The following CNKSR3 variants were observed in gnomAD, a reference collection of about 807,000 sequenced individuals.
CNKSR3 encodes the protein CNKSR family member 3, also known as connector enhancer of kinase suppressor of ras 3.
CNKSR3 carries 36 observed loss-of-function variants against 67.7 expected under a neutral mutation model. The observed-to-expected ratio is 0.53, with a 90% CI of 0.41 to 0.70. CNKSR3 has a LOEUF of 0.70. CNKSR3 is among the 30% of genes least tolerant of loss of function. The pLI is 0.00. For missense variants in CNKSR3, 630 were observed against 695.2 expected (o/e 0.91, Z 1.05); for synonymous variants, 281 against 271.4 (o/e 1.04, Z -0.35).
rs1170916289 is a variant in CNKSR3, at chr6:154,430,684, T to C, written c.550-93A>G. The C allele has an allele frequency of 6.5e-6, 8 of 1,232,446 alleles. No homozygotes were observed. The South Asian group carries it at 1.1e-4, about 18-fold the overall frequency. 76.3% of individuals were successfully genotyped at this position (1,232,446 alleles called of 1,614,324 possible). On this transcript the variant is annotated intron_variant, in intron 5 of 12. Coordinates refer to ENST00000607772, the MANE Select transcript of CNKSR3 (RefSeq NM_173515.4). ...TAGAGAAATGCATTTCACCTATAAT[T>C]GTTAGTTCTGGTTGGCAATCATTTT...
At position 154,450,114 on chromosome 6, in the gene CNKSR3, A is replaced by G. The variant is rs1487589808; in HGVS notation, c.197T>C (p.Val66Ala). The G allele has an allele frequency of 1.2e-6, 2 of 1,614,192 alleles. No individual in the cohort carries two copies. The highest frequency in any genetic ancestry group is 1.7e-5 in the Admixed American group (1 of 60,024). ...ACTAACCAGTGCACAGAGAAGGTCC[A>G]CAGCCTCCAACACAAGCTCCTGGTG... ...IGHQELVLEAVDLLCALNYGL... is the reference protein window; with the variant it reads ...IGHQELVLEAADLLCALNYGL... Residue 66 changes from valine (V) to alanine (A), a missense_variant, in exon 2 of 13, where the codon GTG (valine) becomes GCG (alanine). Transcript: ENST00000607772.
chr6:154,498,433 A>G (rs902082748), intron 1 of CNKSR3, among the ~76,000 whole-genome samples: 2 of 151,792 alleles, frequency 1.3e-5, no homozygotes, highest in East Asian at 3.8e-4. Flanking sequence ...TTCATTTGAC[A>G]AGAACAAAAA....
chr6:154,426,535 T>A, intron 7 of CNKSR3, among the ~76,000 whole-genome samples: 1 of 152,056 alleles, frequency 6.6e-6, no homozygotes, highest in East Asian at 1.9e-4. Flanking sequence ...TTTTGTATTT[T>A]TAGTAGAGAC....
chr6:154,506,299 A>G (rs561895988), intron 1 of CNKSR3, among the ~76,000 whole-genome samples: 2 of 152,314 alleles, frequency 1.3e-5, no homozygotes, highest in East Asian at 3.9e-4. Flanking sequence ...AGAAAGGAAA[A>G]GAGAGGAAAG....
chr6:154,407,220 T>C (rs531887392), intron 12 of CNKSR3, among the ~76,000 whole-genome samples: 34 of 152,022 alleles, frequency 2.2e-4, no homozygotes, highest in Admixed American at 2.1e-3. Flanking sequence ...GACCATAGAG[T>C]GTAGTGTCCC....
intron 8 of CNKSR3, 23 bp downstream of exon 8, chr6:154,422,892 T>A: frequency 6.4e-7 from 1 of 1,565,322 alleles, no homozygotes; most frequent in Non-Finnish European, 8.7e-7. Context: ...GGAGGAAAAT[T>A]GAGCCTCAAT....
chr6:154,459,132 GAGAAAGAA>G (rs749453564), intron 1 of CNKSR3, among the ~76,000 whole-genome samples: 12 of 147,912 alleles, frequency 8.1e-5, no homozygotes, highest in South Asian at 6.4e-4. Context: ...GAAAAAGAGA[GAGAAAGAA>G]AGAAAGAAAG....
chr6:154,414,548 T>C (rs1562320810), intron 9 of CNKSR3, 125 bp from the exon 10 acceptor site: 1 of 969,650 alleles, frequency 1.0e-6, no homozygotes, highest in African/African-American at 1.6e-5. Context: ...AGGTCATTCA[T>C]GTGTTTACAG....
At chr6:154,420,064 G>C (rs936021715) in intron 9 of CNKSR3, among the ~76,000 whole-genome samples, 3 of 151,632 alleles carry the variant, frequency 2.0e-5, no homozygotes, top group African/African-American at 7.3e-5. Flanking sequence ...CCTGGGCAAC[G>C]AGAGTGAAAC....
At position 154,389,174 on chromosome 6, in the gene CNKSR3, T is replaced by A. The variant is rs968649197; in HGVS notation, c.*17180A>T. On this transcript the variant is annotated 3_prime_UTR_variant, in exon 13 of 13. Coordinates refer to ENST00000607772, the MANE Select transcript of CNKSR3 (RefSeq NM_173515.4). ...CATGAAATCATTGACAAGACCAATG[T>A]CAAAGAGCTTTTCGCCTATGTTTTC... is the stretch of plus-strand genomic sequence containing the variant. The A allele has an allele frequency of 2.6e-5, 4 of 152,222 alleles. No individual in the cohort carries two copies. The highest frequency in any genetic ancestry group is 9.6e-5 in the African/African-American group (4 of 41,458). 9.4% of individuals were successfully genotyped at this position (152,222 alleles called of 1,614,324 possible). A position where few individuals can be genotyped will look rare whatever the true frequency, so the allele number is the denominator to read the frequency against.
chr6:154,508,365 T>C (rs374610108), intron 1 of CNKSR3, among the ~76,000 whole-genome samples: 1 of 152,206 alleles, frequency 6.6e-6, no homozygotes, highest in African/African-American at 2.4e-5. Flanking sequence ...TATTTTAGAC[T>C]TACAGCACAT....
intron 1 of CNKSR3, among the ~76,000 whole-genome samples, chr6:154,472,610 A>C (rs1263627948): frequency 6.6e-6 from 1 of 152,142 alleles, no homozygotes; most frequent in East Asian, 1.9e-4. Flanking sequence ...AACCCCATGA[A>C]AACAAAAACC....
At chr6:154,427,481 G>T (rs967741173) in intron 7 of CNKSR3, among the ~76,000 whole-genome samples, 2 of 152,164 alleles carry the variant, frequency 1.3e-5, no homozygotes, top group East Asian at 1.9e-4. Context: ...CACATTGTAG[G>T]CTGCAAGAAG....
rs1307336067 is a variant in CNKSR3 at position 154,399,310 on chromosome 6, G to A, written c.*7044C>T. On this transcript the variant is annotated 3_prime_UTR_variant, in exon 13 of 13. Coordinates refer to ENST00000607772, the MANE Select transcript of CNKSR3 (RefSeq NM_173515.4). ...GAATACCTTATTCACTAGAGGCTGA[G>A]ATGGAGTCAGTACTGCTACTACAGG... 6.6e-6 allele frequency: 1 copy of A among 152,192 alleles called. No homozygotes were observed. Among genetic ancestry groups the A allele is most frequent in the Non-Finnish European group, 1.5e-5 (1 of 68,034 alleles). 9.4% of individuals were successfully genotyped at this position (152,192 alleles called of 1,614,324 possible). A position where few individuals can be genotyped will look rare whatever the true frequency, so the allele number is the denominator to read the frequency against.
At chr6:154,454,443 T>C (rs2128719845) in intron 1 of CNKSR3, among the ~76,000 whole-genome samples, 1 of 152,252 alleles carries the variant, frequency 6.6e-6, no homozygotes, top group East Asian at 1.9e-4. Flanking sequence ...TTCTAGCACT[T>C]TGGGAGGCCA....
At chr6:154,510,016 C>T in intron 1 of CNKSR3, 47 bp downstream of exon 1, 2 of 1,607,180 alleles carry the variant, frequency 1.2e-6, no homozygotes, top group Non-Finnish European at 1.7e-6. Context: ...CTCGTCCGCC[C>T]CATCCCCGAG....
At chr6:154,486,479 A>C (rs1472519481) in intron 1 of CNKSR3, among the ~76,000 whole-genome samples, 1 of 126,072 alleles carries the variant, frequency 7.9e-6, no homozygotes, top group Non-Finnish European at 1.5e-5. Context: ...ATTTTATTTT[A>C]TTTTATTTTA....
intron 1 of CNKSR3, among the ~76,000 whole-genome samples, chr6:154,472,442 A>T (rs1206635925): frequency 6.6e-6 from 1 of 152,156 alleles, no homozygotes; most frequent in Non-Finnish European, 1.5e-5. Context: ...GGGCCCTCAG[A>T]TCTCTGCTCA....
rs35873703 is a variant in CNKSR3 at position 154,415,228 on chromosome 6, A to ATTTTTTTTTTTTTTT, written c.946-820_946-806dup. ...TCCTGGCTAGACTTACTAGCTGCCCATTTTTTTTTTTTTTTTTTTTAAGAT... is the reference window on the plus strand; with the variant it reads ...TCCTGGCTAGACTTACTAGCTGCCCATTTTTTTTTTTTTTTTTTTTTTTTTTTTTTTTTTTAAGAT... On this transcript the variant is annotated intron_variant, in intron 9 of 12. Coordinates refer to ENST00000607772, the MANE Select transcript of CNKSR3 (RefSeq NM_173515.4). 3.9e-4 allele frequency among the ~76,000 whole-genome samples: 46 copies of ATTTTTTTTTTTTTTT among 118,108 alleles called. 2 individuals carry two copies. The highest frequency in any genetic ancestry group is 1.3e-3 in the African/African-American group (39 of 30,268). 77.5% of individuals were successfully genotyped at this position (118,108 alleles called of 152,430 possible). A position where few individuals can be genotyped will look rare whatever the true frequency, so the allele number is the denominator to read the frequency against.
Sources: gnomAD v4.1 joint callset for allele counts (sites outside exome capture counted in the v4.1 genomes callset) on GRCh38, gnomAD v4.1.1 for gene constraint, MANE v1.5 for transcripts, NCBI Gene and HGNC (gene_info 2026-07-23, HGNC 2026-07-21) for gene names.